CREBBP: variants seen among roughly 807,000 people sequenced by gnomAD.
CREBBP encodes CREB-binding protein.
A neutral mutation model predicts 265.0 loss-of-function variants in CREBBP; 19 were observed. That is an observed-to-expected ratio of 0.07 (90% confidence interval 0.05 to 0.11). CREBBP has a LOEUF of 0.11. CREBBP is among the 10% of genes least tolerant of loss of function. The pLI, the probability that CREBBP is intolerant of heterozygous loss-of-function variation, is 1.00. For missense variants in CREBBP, 2,525 were observed against 3,219.0 expected (o/e 0.78, Z 5.22); for synonymous variants, 1,457 against 1,223.7 (o/e 1.19, Z -3.98).
At chr16:3,835,303 C>T (rs2054423026) in intron 2 of CREBBP, among the ~76,000 whole-genome samples, 1 of 151,888 alleles carries the variant, frequency 6.6e-6, no homozygotes, top group Non-Finnish European at 1.5e-5. Flanking sequence ...ATAATTTAGT[C>T]TTTGCAGATG....
intron 16 of CREBBP, among the ~76,000 whole-genome samples, chr16:3,763,015 C>A (rs1455970440): frequency 6.6e-6 from 1 of 151,518 alleles, no homozygotes; most frequent in Non-Finnish European, 1.5e-5. Flanking sequence ...ACCTCGTGAT[C>A]CGCCCGCCTC....
rs1428497698 is a variant in CREBBP at position 3,749,768 on chromosome 16, G to C, written c.3780-85C>G. 3 of 850,426 alleles carry C rather than the reference G, an allele frequency of 3.5e-6. No homozygotes were observed. In the Admixed American group the frequency reaches 7.1e-5, roughly 20 times the overall value. 52.7% of individuals were successfully genotyped at this position (850,426 alleles called of 1,614,324 possible). On this transcript the variant is annotated intron_variant, in intron 20 of 30. Coordinates refer to ENST00000262367, the MANE Select transcript of CREBBP (RefSeq NM_004380.3). Reference sequence around the variant, plus strand: ...TATAGGGTCTCTGGAATGTTATTTTGTAACTAGTTCTTCAAACAAAAAGAC... The same window carrying C: ...TATAGGGTCTCTGGAATGTTATTTTCTAACTAGTTCTTCAAACAAAAAGAC...
At chr16:3,763,760 G>A (rs1048464590) in intron 16 of CREBBP, among the ~76,000 whole-genome samples, 4 of 151,986 alleles carry the variant, frequency 2.6e-5, no homozygotes, top group East Asian at 1.9e-4. Context: ...CACTGCGCCC[G>A]GCCTGAAACA....
intron 21 of CREBBP, among the ~76,000 whole-genome samples, chr16:3,747,712 C>T (rs1178251399): frequency 6.6e-6 from 1 of 152,336 alleles, no homozygotes; most frequent in South Asian, 2.1e-4. Flanking sequence ...CCTGTAATCC[C>T]AGCACTTTGG....
intron 1 of CREBBP, among the ~76,000 whole-genome samples, chr16:3,870,170 G>A (rs2055265290): frequency 6.6e-6 from 1 of 151,830 alleles, no homozygotes; most frequent in South Asian, 2.1e-4. Context: ...ACCAAATCTA[G>A]GAGAACAGAA....
chr16:3,814,340 C>A (rs369104691), intron 2 of CREBBP, among the ~76,000 whole-genome samples: 1 of 151,694 alleles, frequency 6.6e-6, no homozygotes, highest in African/African-American at 2.4e-5. Flanking sequence ...CTGCAACCTC[C>A]GCCTCCCAGA....
chr16:3,753,738 A>C (rs545379105), intron 19 of CREBBP, among the ~76,000 whole-genome samples: 1 of 152,316 alleles, frequency 6.6e-6, no homozygotes, highest in East Asian at 1.9e-4. Context: ...ATACACAAAA[A>C]AGACATTCCC....
At chr16:3,741,015 G>A (rs779178961) in intron 23 of CREBBP, 15 of 259,152 alleles carry the variant, frequency 5.8e-5, no homozygotes, top group Non-Finnish European at 1.1e-4. Flanking sequence ...TTAAGCTCTG[G>A]CCAGAGCCTG....
chr16:3,832,980 C>T (rs2054372458), intron 2 of CREBBP, among the ~76,000 whole-genome samples: 1 of 152,096 alleles, frequency 6.6e-6, no homozygotes, highest in Non-Finnish European at 1.5e-5. Flanking sequence ...AAAGACTCAG[C>T]AAACTAGAAA....
At chr16:3,772,693 A>G (rs2141210652) in intron 13 of CREBBP, among the ~76,000 whole-genome samples, 2 of 152,230 alleles carry the variant, frequency 1.3e-5, no homozygotes, top group East Asian at 3.9e-4. Context: ...GAGAAATGAA[A>G]TGTTATGGAA....
intron 1 of CREBBP, among the ~76,000 whole-genome samples, chr16:3,863,261 C>T (rs1262319264): frequency 6.6e-6 from 1 of 152,148 alleles, no homozygotes; most frequent in Admixed American, 6.5e-5. Flanking sequence ...TATCAAAAAA[C>T]ATCCTGCTTC....
At chr16:3,822,207 G>T (rs1004731031) in intron 2 of CREBBP, among the ~76,000 whole-genome samples, 1 of 102,616 alleles carries the variant, frequency 9.7e-6, no homozygotes, top group Non-Finnish European at 2.1e-5. Flanking sequence ...CTCATGCAAG[G>T]CAGAGAAGCA....
In CREBBP at chr16:3,771,805, T is replaced by C. The variant is rs1436140815; in HGVS notation, c.2464-819A>G. 7.5e-4 allele frequency among the ~76,000 whole-genome samples: 112 copies of C among 149,306 alleles called. 1 individual carries two copies. In the East Asian group the frequency reaches 0.01, roughly 13 times the overall value. ...TGGAATGGCACTCAATTTAAAACTT[T>C]TTTTTTTTTTTTTTAAAAAAAAAAA... On this transcript the variant is annotated intron_variant, in intron 13 of 30. Coordinates refer to ENST00000262367, the MANE Select transcript of CREBBP (RefSeq NM_004380.3).
At chr16:3,751,696 C>T (rs1299908910) in intron 20 of CREBBP, 30 bp downstream of exon 20, 3 of 1,608,392 alleles carry the variant, frequency 1.9e-6, no homozygotes, top group Non-Finnish European at 2.6e-6. Flanking sequence ...CCCTCCCTCA[C>T]CCCAGAGAAA....
At chr16:3,770,512 T>C (rs1406893287) in intron 14 of CREBBP, 58 bp downstream of exon 14, 2 of 1,588,488 alleles carry the variant, frequency 1.3e-6, no homozygotes, top group Non-Finnish European at 8.6e-7. Context: ...ACAATTTTTA[T>C]GGGAAAATTA....
intron 13 of CREBBP, among the ~76,000 whole-genome samples, chr16:3,773,019 C>T (rs1228888006): frequency 2.0e-5 from 3 of 151,096 alleles, no homozygotes; most frequent in African/African-American, 4.9e-5. Context: ...ACCCGGGAGG[C>T]GGAGGTTGCA....
At chr16:3,859,470 A>G (rs994033011) in intron 1 of CREBBP, among the ~76,000 whole-genome samples, 4 of 152,206 alleles carry the variant, frequency 2.6e-5, no homozygotes, top group Non-Finnish European at 5.9e-5. Flanking sequence ...CTGGGATTAT[A>G]GGTGTGAGCC....
intron 3 of CREBBP, among the ~76,000 whole-genome samples, chr16:3,804,651 T>G (rs1218818851): frequency 6.6e-6 from 1 of 152,264 alleles, no homozygotes; most frequent in African/African-American, 2.4e-5. Flanking sequence ...TACTCGGTTC[T>G]TCTAAAAGTC....
chr16:3,841,354 A>G (rs2054563255), intron 2 of CREBBP, among the ~76,000 whole-genome samples: 1 of 152,138 alleles, frequency 6.6e-6, no homozygotes, highest in African/African-American at 2.4e-5. Context: ...TAAAGAAAGC[A>G]TTGGGTAGTT....
Sources: allele counts gnomAD v4.1 joint callset (sites outside exome capture counted in the v4.1 genomes callset), GRCh38; gene constraint gnomAD v4.1.1; transcripts MANE v1.5; gene names NCBI Gene and HGNC (gene_info 2026-07-23, HGNC 2026-07-21).